FBXO11: variants seen among roughly 807,000 people sequenced by gnomAD.
FBXO11 encodes F-box protein 11.
Under a neutral mutation model 117.0 loss-of-function variants are expected in FBXO11, and 13 were observed. The ratio of observed to expected loss-of-function variants is 0.11; its 90% CI spans 0.07 to 0.18. The LOEUF is 0.18. Ranked by LOEUF, FBXO11 falls within the 10% of genes least tolerant of loss-of-function variation. The pLI is 1.00. For synonymous variants in FBXO11, 490 were observed against 380.5 expected, an observed-to-expected ratio of 1.29 and a Z score of -3.35; for missense variants, 767 against 1,164.4, an observed-to-expected ratio of 0.66 and a Z score of 4.97.
In FBXO11 at chr2:47,832,409, A is replaced by G; in HGVS notation, c.1338T>C (p.Ile446=). Residue 446 remains isoleucine (I), a synonymous_variant, in exon 11 of 23, where the codon ATT becomes ATC. Coordinates refer to ENST00000403359, the MANE Select transcript of FBXO11 (RefSeq NM_001190274.2). ...IWVKNHGNPI[I]RRNHIHHGRD... is the part of the protein sequence containing the mutation. ...GTCCATGATGAATATGATTCCGTCT[A>G]ATAATTGGGTTTCCATGATTTTTAA... The G allele has an allele frequency of 6.2e-7, 1 of 1,613,648 alleles. No homozygotes were observed. Among genetic ancestry groups the G allele is most frequent in the Non-Finnish European group, 8.5e-7 (1 of 1,179,682 alleles).
chr2:47,832,283 C>G (rs1572805333), intron 11 of FBXO11, 66 bp downstream of exon 11: 4 of 1,376,908 alleles, frequency 2.9e-6, no homozygotes, highest in Non-Finnish European at 3.9e-6. Flanking sequence ...GAAAATAATG[C>G]TGAAACATAC....
At chr2:47,897,946 A>T (rs1364109530) in intron 1 of FBXO11, among the ~76,000 whole-genome samples, 4 of 152,222 alleles carry the variant, frequency 2.6e-5, no homozygotes, top group Non-Finnish European at 5.9e-5. Context: ...AGGATGAATG[A>T]CACCTCTTCT....
intron 1 of FBXO11, among the ~76,000 whole-genome samples, chr2:47,875,758 C>T (rs890061017): frequency 1.3e-5 from 2 of 152,126 alleles, no homozygotes; most frequent in Non-Finnish European, 1.5e-5. Context: ...TGGCACTGCT[C>T]TAAAATGAAA....
rs569793223 is a variant in FBXO11 at position 47,816,351 on chromosome 2, T to A, written c.2006+2428A>T. On this transcript the variant is annotated intron_variant, in intron 16 of 22. Coordinates refer to ENST00000403359, the MANE Select transcript of FBXO11 (RefSeq NM_001190274.2). The stretch of plus-strand genomic sequence containing the variant: ...CATGCCACCATGCCTAGCTAATTTT[T>A]TCTATTTTTTACAGAGACAGGGTTT... Among the ~76,000 whole-genome samples the A allele has an allele frequency of 1.7e-3, 262 of 152,172 alleles. 1 individual carries two copies. The highest frequency in any genetic ancestry group is 6.1e-3 in the African/African-American group (252 of 41,512).
At chr2:47,878,775 C>T (rs907154484) in intron 1 of FBXO11, among the ~76,000 whole-genome samples, 9 of 151,426 alleles carry the variant, frequency 5.9e-5, no homozygotes, top group Non-Finnish European at 7.4e-5. Flanking sequence ...GTCAGGAGTT[C>T]GAGACCAGCC....
Position 47,876,247 on chromosome 2 carries a change from A to G in FBXO11, c.232+29242T>C, listed in dbSNP as rs1329344224. The stretch of plus-strand genomic sequence containing the variant: ...ATAGTAGCATTCCTGACTCAACTCT[A>G]TTTTCCAACTTTCTTGTTATTGTCT... On this transcript the variant is annotated intron_variant, in intron 1 of 22. Coordinates refer to ENST00000403359, the MANE Select transcript of FBXO11 (RefSeq NM_001190274.2). Among the ~76,000 whole-genome samples the G allele has an allele frequency of 3.9e-5, 6 of 152,276 alleles. No homozygotes were observed. The South Asian group carries it at 6.2e-4, about 16-fold the overall frequency.
intron 1 of FBXO11, among the ~76,000 whole-genome samples, chr2:47,882,532 G>C (rs1002964407): frequency 5.9e-5 from 9 of 152,038 alleles, no homozygotes; most frequent in African/African-American, 1.9e-4. Context: ...TGGATCTACT[G>C]TATTTTCTAA....
intron 1 of FBXO11, among the ~76,000 whole-genome samples, chr2:47,899,426 C>T (rs932675397): frequency 6.6e-6 from 1 of 152,094 alleles, no homozygotes; most frequent in Admixed American, 6.5e-5. Flanking sequence ...AAAGACCTAT[C>T]ATTTATTAAA....
intron 1 of FBXO11, among the ~76,000 whole-genome samples, chr2:47,890,376 TAAATTA>T (rs1234159442): frequency 6.6e-6 from 1 of 152,202 alleles, no homozygotes; most frequent in Non-Finnish European, 1.5e-5. Context: ...TAGATGTCTA[TAAATTA>T]ATAAGCACTT....
At position 47,839,023 on chromosome 2, in the gene FBXO11, T is replaced by G; in HGVS notation, c.443-20A>C. Reference sequence around the variant, plus strand: ...GTGCTGCTATAAAGAGATTAACATATAAACTATCATTCGAGCAATAACTTT... The same window carrying G: ...GTGCTGCTATAAAGAGATTAACATAGAAACTATCATTCGAGCAATAACTTT... On this transcript the variant is annotated intron_variant, in intron 3 of 22. Coordinates refer to ENST00000403359, the MANE Select transcript of FBXO11 (RefSeq NM_001190274.2). 1.3e-6 allele frequency: 2 copies of G among 1,591,326 alleles called. No homozygotes were observed. Among genetic ancestry groups the G allele is most frequent in the South Asian group, 2.3e-5 (2 of 86,142 alleles).
intron 8 of FBXO11, 38 bp downstream of exon 8, chr2:47,832,926 T>A: frequency 1.2e-6 from 2 of 1,603,578 alleles, no homozygotes; most frequent in South Asian, 2.2e-5. Flanking sequence ...ACTGCCTTTA[T>A]GATTTCAATG....
chr2:47,873,776 A>G lies in FBXO11; in HGVS notation c.232+31713T>C, dbSNP rs72811510. Among the ~76,000 whole-genome samples, 2,045 of 152,322 alleles carry G rather than the reference A, an allele frequency of 0.013. 135 individuals carry two copies. The East Asian group carries it at 0.22, about 17-fold the overall frequency. On this transcript the variant is annotated intron_variant, in intron 1 of 22. Coordinates refer to ENST00000403359, the MANE Select transcript of FBXO11 (RefSeq NM_001190274.2). ...GTTCTTGTGGGTTTATGCCTTTTAA[A>G]AATTATGTTACTGTAACATGATTTC...
intron 11 of FBXO11, among the ~76,000 whole-genome samples, chr2:47,828,192 G>A (rs915449155): frequency 7.9e-5 from 12 of 151,902 alleles, no homozygotes; most frequent in Non-Finnish European, 1.8e-4. Flanking sequence ...TCTTGCTCAG[G>A]TTGATCTTGA....
intron 1 of FBXO11, among the ~76,000 whole-genome samples, chr2:47,851,664 A>G (rs1186968298): frequency 2.0e-5 from 3 of 152,246 alleles, no homozygotes; most frequent in Non-Finnish European, 1.5e-5. Flanking sequence ...CACAGGTGTT[A>G]TAAAAGTATA....
chr2:47,834,364 G>A (rs1055528820), intron 7 of FBXO11, among the ~76,000 whole-genome samples: 2 of 151,892 alleles, frequency 1.3e-5, no homozygotes, highest in African/African-American at 4.8e-5. Flanking sequence ...AAACAAAAAA[G>A]GTTGGGGGGG....
At chr2:47,875,969 T>C (rs1247607955) in intron 1 of FBXO11, among the ~76,000 whole-genome samples, 1 of 152,194 alleles carries the variant, frequency 6.6e-6, no homozygotes, top group Non-Finnish European at 1.5e-5. Context: ...TCAGTGGCTT[T>C]ATATGTATTT....
intron 1 of FBXO11, among the ~76,000 whole-genome samples, chr2:47,876,586 T>C (rs1274088030): frequency 6.6e-6 from 1 of 152,256 alleles, no homozygotes; most frequent in Non-Finnish European, 1.5e-5. Context: ...TTTTATCTTC[T>C]GGAAGACACT....
chr2:47,884,802 A>C (rs1436748803), intron 1 of FBXO11, among the ~76,000 whole-genome samples: 1 of 152,106 alleles, frequency 6.6e-6, no homozygotes, highest in Non-Finnish European at 1.5e-5. Flanking sequence ...TAATCAGAAA[A>C]ACACGGATTC....
At chr2:47,833,394 A>C (rs1055199225) in intron 7 of FBXO11, among the ~76,000 whole-genome samples, 1 of 152,190 alleles carries the variant, frequency 6.6e-6, no homozygotes, top group Non-Finnish European at 1.5e-5. Context: ...GAAGCTCAAG[A>C]AGAGAAGAGA....
Sources: gnomAD v4.1 joint callset for allele counts (sites outside exome capture counted in the v4.1 genomes callset) on GRCh38, gnomAD v4.1.1 for gene constraint, MANE v1.5 for transcripts, NCBI Gene and HGNC (gene_info 2026-07-23, HGNC 2026-07-21) for gene names.